The following RHCE variants were observed in gnomAD, a reference collection of about 807,000 sequenced individuals.
The protein encoded by RHCE is blood group Rh(CE) polypeptide.
A neutral mutation model predicts 43.8 loss-of-function variants in RHCE; 22 were observed. The ratio of observed to expected loss-of-function variants is 0.50; its 90% CI spans 0.36 to 0.72. RHCE has a LOEUF of 0.72. RHCE is among the 30% of genes least tolerant of loss of function. The probability of loss-of-function intolerance (pLI) is 0.00; values close to 1 mark genes in which losing one functional copy is unlikely to be tolerated. For synonymous variants in RHCE, 156 were observed against 210.7 expected (o/e 0.74, Z 2.25); for missense variants, 385 against 525.4 (o/e 0.73, Z 2.61).
chr1:25,422,270 T>C (rs2042770523), upstream of RHCE, among the ~76,000 whole-genome samples: 1 of 152,186 alleles, frequency 6.6e-6, no homozygotes, highest in Admixed American at 6.5e-5. Context: ...AATATGATGG[T>C]TCTGAACATA....
chr1:25,394,236 G>A (rs1311262495), intron 3 of RHCE, among the ~76,000 whole-genome samples: 12 of 151,992 alleles, frequency 7.9e-5, no homozygotes, highest in African/African-American at 2.2e-4. Context: ...TGATCCATCC[G>A]CCTTGGCCTC....
In RHCE at chr1:25,385,826, G is replaced by A. The variant is rs755251145; in HGVS notation, c.958C>T (p.Leu320=). The A allele has an allele frequency of 4.3e-6, 7 of 1,613,916 alleles. No homozygotes were observed. Among genetic ancestry groups the A allele is most frequent in the Non-Finnish European group, 5.9e-6 (7 of 1,180,020 alleles). The change falls in exon 7 of 10, where the codon CTG becomes TTG. Residue 320 remains leucine, a synonymous_variant. Coordinates refer to ENST00000294413, the MANE Select transcript of RHCE (RefSeq NM_020485.8). Reference sequence around the variant, plus strand: ...ATGACGGAGATGTGGTGAATCCCCAGCACTCGGTTACAACACACCTGTGGA... The same window carrying A: ...ATGACGGAGATGTGGTGAATCCCCAACACTCGGTTACAACACACCTGTGGA... ...KCLPVCCNRV[L]GIHHISVMHS...
Position 25,409,563 on chromosome 1 carries a change from G to A in RHCE, c.149-694C>T, listed in dbSNP as rs191032121. ...AGGGCAGGGAGGGGCCCAGCAAAGC[G>A]GAGGGTGAGCACTTTGGTTTAATTC... On this transcript the variant is annotated intron_variant, in intron 1 of 9. Coordinates refer to ENST00000294413, the MANE Select transcript of RHCE (RefSeq NM_020485.8). Among the ~76,000 whole-genome samples, 96 of 124,228 alleles carry A rather than the reference G, an allele frequency of 7.7e-4. 9 individuals are homozygous for A. The highest frequency in any genetic ancestry group is 2.3e-3 in the African/African-American group (92 of 40,082). 81.5% of individuals were successfully genotyped at this position (124,228 alleles called of 152,430 possible). A position where few individuals can be genotyped will look rare whatever the true frequency, so the allele number is the denominator to read the frequency against.
intron 7 of RHCE, among the ~76,000 whole-genome samples, chr1:25,376,475 G>C (rs982607457): frequency 1.1e-4 from 17 of 152,194 alleles, no homozygotes; most frequent in East Asian, 3.9e-4. Flanking sequence ...CAGCCTCATG[G>C]GGTGGACCCC....
rs57992529 is a variant in RHCE at position 25,408,764 on chromosome 1, G to C, written c.254C>G (p.Ala85Gly). The C allele has an allele frequency of 3.7e-3, 4,751 of 1,282,438 alleles. 717 individuals are homozygous for C. The African/African-American group carries it at 0.054, about 15-fold the overall frequency. The allele number at this position is 1,282,438 out of a possible 1,614,324, so 79.4% of individuals were successfully genotyped here. A position where few individuals can be genotyped will look rare whatever the true frequency, so the allele number is the denominator to read the frequency against. Residue 85 changes from alanine (A) to glycine (G), a missense_variant, in exon 2 of 10, where the codon GCG becomes GGG. Transcript: ENST00000294413. ...SSVAFNLFML[A>G]LGVQWAILLD... is the part of the protein sequence containing the mutation. Reference sequence around the variant, plus strand: ...CAGGATTGCCCACTGCACACCAAGCGCCAGCATGAAGAGGTTGAAGGCCAC... The same window carrying C: ...CAGGATTGCCCACTGCACACCAAGCCCCAGCATGAAGAGGTTGAAGGCCAC...
At chr1:25,412,766 T>G (rs1647134448) in intron 1 of RHCE, among the ~76,000 whole-genome samples, 1 of 146,782 alleles carries the variant, frequency 6.8e-6, no homozygotes, top group Non-Finnish European at 1.5e-5. Context: ...GGCTTATGCC[T>G]GTAATCCTAG....
chr1:25,392,146 A>C lies in RHCE; in HGVS notation c.487-5T>G, dbSNP rs776819527. On this transcript the variant is annotated splice_region_variant and splice_polypyrimidine_tract_variant and intron_variant, in intron 3 of 9. Transcript: ENST00000294413. ...CAGGTTCATGTGGTAGTCTGTCTGC[A>C]ATAAAACCCAGTAAGAGCAGTGAGT... 127 of 1,614,020 alleles carry C rather than the reference A, an allele frequency of 7.9e-5. No individual in the cohort carries two copies. Among genetic ancestry groups the C allele is most frequent in the Non-Finnish European group, 1.0e-4 (118 of 1,180,012 alleles).
At chr1:25,423,345 C>T (rs887166388), upstream of RHCE, among the ~76,000 whole-genome samples, 3 of 152,190 alleles carry the variant, frequency 2.0e-5, no homozygotes, top group Non-Finnish European at 4.4e-5. Flanking sequence ...CCTACCTACC[C>T]GAGGGCACCA....
At chr1:25,398,082 T>TA (rs1646612102) in intron 3 of RHCE, among the ~76,000 whole-genome samples, 1 of 127,714 alleles carries the variant, frequency 7.8e-6, no homozygotes, top group South Asian at 2.4e-4. Flanking sequence ...CTTATTCTTA[T>TA]CCCCATTCTA....
At chr1:25,404,269 A>G (rs1646848377) in intron 2 of RHCE, among the ~76,000 whole-genome samples, 1 of 149,996 alleles carries the variant, frequency 6.7e-6, no homozygotes. Flanking sequence ...ATTAAAATGG[A>G]CTTTTTGGAA....
At chr1:25,392,414 A>G (rs1439608575) in intron 3 of RHCE, among the ~76,000 whole-genome samples, 1 of 152,070 alleles carries the variant, frequency 6.6e-6, no homozygotes, top group Non-Finnish European at 1.5e-5. Flanking sequence ...GGCATGCGCC[A>G]CTACGCTGGG....
intron 5 of RHCE, 56 bp downstream of exon 5, chr1:25,390,693 T>A: frequency 1.0e-5 from 16 of 1,606,148 alleles, no homozygotes; most frequent in Non-Finnish European, 1.3e-5. Context: ...GGGGCATAAA[T>A]ATGTGTGCTA....
Position 25,362,356 on chromosome 1 carries a change from A to C in RHCE, c.*171T>G. On this transcript the variant is annotated 3_prime_UTR_variant, in exon 10 of 10. Coordinates refer to ENST00000294413, the MANE Select transcript of RHCE (RefSeq NM_020485.8). ...TTTAAACTTATTAAATTGACTCTTA[A>C]ACTAAGTTTTTAGTCTTTAATTTTT... 6 of 1,452,300 alleles carry C rather than the reference A, an allele frequency of 4.1e-6. No individual in the cohort carries two copies. In the South Asian group the frequency reaches 5.0e-5, roughly 12 times the overall value. The allele number at this position is 1,452,300 out of a possible 1,614,324, so 90.0% of individuals were successfully genotyped here.
At chr1:25,392,508 G>A (rs1033414354) in intron 3 of RHCE, among the ~76,000 whole-genome samples, 11 of 149,208 alleles carry the variant, frequency 7.4e-5, no homozygotes, top group South Asian at 2.1e-4. Flanking sequence ...CGATCCACCC[G>A]CCTCGGCCTC....
chr1:25,418,639 G>A (rs962724631), intron 1 of RHCE, among the ~76,000 whole-genome samples: 7 of 152,212 alleles, frequency 4.6e-5, no homozygotes, highest in Admixed American at 1.3e-4. Context: ...GCAATGCAAT[G>A]TTAAGCCCAA....
chr1:25,412,162 C>A (rs1476634764), intron 1 of RHCE, among the ~76,000 whole-genome samples: 1 of 152,230 alleles, frequency 6.6e-6, no homozygotes, highest in South Asian at 2.1e-4. Context: ...ATGCCGGCAG[C>A]AGAGCGCAGC....
chr1:25,396,980 G>A lies in RHCE; in HGVS notation c.487-4839C>T, dbSNP rs565748503. Among the ~76,000 whole-genome samples the A allele has an allele frequency of 1.7e-3, 247 of 146,838 alleles. 2 individuals carry two copies. Among genetic ancestry groups the A allele is most frequent in the African/African-American group, 6.4e-3 (237 of 37,126 alleles). The stretch of plus-strand genomic sequence containing the variant: ...AATACAAAAATTAACTGGGCATGGT[G>A]GCATGCCCCTAATCCCAGCTACTCG... On this transcript the variant is annotated intron_variant, in intron 3 of 9. Transcript: ENST00000294413.
At chr1:25,403,411 T>C (rs1646817250) in intron 2 of RHCE, among the ~76,000 whole-genome samples, 1 of 152,098 alleles carries the variant, frequency 6.6e-6, no homozygotes, top group Non-Finnish European at 1.5e-5. Flanking sequence ...GCACCAAGAC[T>C]GGCACAAAGA....
At chr1:25,386,280 T>A (rs1456218301) in intron 6 of RHCE, among the ~76,000 whole-genome samples, 1 of 152,124 alleles carries the variant, frequency 6.6e-6, no homozygotes, top group Non-Finnish European at 1.5e-5. Flanking sequence ...CAAGAACGCC[T>A]CCAGACATTG....
Sources: gnomAD v4.1 joint callset for allele counts (sites outside exome capture counted in the v4.1 genomes callset) on GRCh38, gnomAD v4.1.1 for gene constraint, MANE v1.5 for transcripts, NCBI Gene and HGNC (gene_info 2026-07-23, HGNC 2026-07-21) for gene names.